The following ZCCHC17 variants were observed in gnomAD, a reference collection of about 807,000 sequenced individuals.
ZCCHC17 encodes zinc finger CCHC domain-containing protein 17.
A neutral mutation model predicts 30.6 loss-of-function variants in ZCCHC17; 18 were observed. That is an observed-to-expected ratio of 0.59 (90% CI 0.41 to 0.87). The LOEUF (loss-of-function observed/expected upper bound fraction) is 0.87. Ranked by LOEUF, ZCCHC17 falls within the 40% of genes least tolerant of loss-of-function variation. ZCCHC17 has a pLI of 0.00. For missense variants in ZCCHC17, 263 were observed against 284.2 expected (o/e 0.93, Z 0.54); for synonymous variants, 88 against 92.4 (o/e 0.95, Z 0.27).
At chr1:31,329,126 G>A (rs926009069) in intron 3 of ZCCHC17, among the ~76,000 whole-genome samples, 1 of 152,110 alleles carries the variant, frequency 6.6e-6, no homozygotes, top group African/African-American at 2.4e-5. Flanking sequence ...ATCAAAAGGG[G>A]CTTACTATGA....
chr1:31,317,585 A>G (rs1248447606), intron 2 of ZCCHC17, among the ~76,000 whole-genome samples: 2 of 152,146 alleles, frequency 1.3e-5, no homozygotes, highest in African/African-American at 2.4e-5. Flanking sequence ...TAGAAGCCAC[A>G]TCTTTCACTC....
At chr1:31,350,151 G>T (rs1639422427) in intron 7 of ZCCHC17, among the ~76,000 whole-genome samples, 1 of 152,180 alleles carries the variant, frequency 6.6e-6, no homozygotes, top group Non-Finnish European at 1.5e-5. Flanking sequence ...TATTCTGTAG[G>T]TTGATCAGGA....
chr1:31,351,456 T>TA (rs1454212119), intron 7 of ZCCHC17, among the ~76,000 whole-genome samples: 3 of 151,828 alleles, frequency 2.0e-5, no homozygotes, highest in Non-Finnish European at 2.9e-5. Context: ...TTTTTTTTTT[T>TA]AAAGCACCTT....
chr1:31,346,679 T>C lies in ZCCHC17; in HGVS notation c.357T>C (p.Thr119=), dbSNP rs745761292. 6.2e-7 allele frequency: 1 copy of C among 1,613,958 alleles called. No individual in the cohort carries two copies. Among genetic ancestry groups the C allele is most frequent in the Admixed American group, 1.7e-5 (1 of 60,000 alleles). Residue 119 remains threonine (T), a synonymous_variant, in exon 6 of 8, where the codon ACT becomes ACC. Transcript: ENST00000344147. ...ERRRRSFQDY[T]GQKITLEAVL... Reference sequence around the variant, plus strand: ...GGAGGCGATCCTTCCAGGATTACACTGGGCAGAAGATCACCCTTGAGGCTG... The same window carrying C: ...GGAGGCGATCCTTCCAGGATTACACCGGGCAGAAGATCACCCTTGAGGCTG...
At chr1:31,350,704 A>G (rs1291605074) in intron 7 of ZCCHC17, among the ~76,000 whole-genome samples, 2 of 152,054 alleles carry the variant, frequency 1.3e-5, no homozygotes, top group Non-Finnish European at 2.9e-5. Context: ...GGTTCCAGCA[A>G]TTCTCCTGCC....
At chr1:31,315,300 T>G (rs1439147345) in intron 2 of ZCCHC17, among the ~76,000 whole-genome samples, 3 of 152,222 alleles carry the variant, frequency 2.0e-5, no homozygotes, top group Admixed American at 6.5e-5. Context: ...CAGGACTAGT[T>G]GTCCTTGAAG....
At chr1:31,326,884 T>C (rs999840891) in intron 3 of ZCCHC17, among the ~76,000 whole-genome samples, 1 of 152,184 alleles carries the variant, frequency 6.6e-6, no homozygotes, top group African/African-American at 2.4e-5. Context: ...AGAGGGAAGA[T>C]TATTAAGTCT....
intron 1 of ZCCHC17, among the ~76,000 whole-genome samples, chr1:31,300,275 G>A (rs1646278371): frequency 6.6e-6 from 1 of 152,090 alleles, no homozygotes; most frequent in Admixed American, 6.5e-5. Context: ...GTCCAGGCTG[G>A]TCTCAAACTC....
chr1:31,302,112 C>T (rs1054358081), intron 1 of ZCCHC17, among the ~76,000 whole-genome samples: 1 of 152,168 alleles, frequency 6.6e-6, no homozygotes, highest in Non-Finnish European at 1.5e-5. Flanking sequence ...CCTGTAGTCC[C>T]AGCTACTTGG....
At chr1:31,335,554 T>C (rs1014047347) in intron 3 of ZCCHC17, among the ~76,000 whole-genome samples, 1 of 152,056 alleles carries the variant, frequency 6.6e-6, no homozygotes, top group African/African-American at 2.4e-5. Flanking sequence ...TTTTCTGTAA[T>C]TTTTCTAGAG....
In ZCCHC17 at chr1:31,302,107, A is replaced by G. The variant is rs547728253; in HGVS notation, c.-56+5032A>G. Among the ~76,000 whole-genome samples the G allele has an allele frequency of 8.5e-5, 13 of 152,294 alleles. 1 individual carries two copies. In the South Asian group the frequency reaches 2.7e-3, roughly 32 times the overall value. On this transcript the variant is annotated intron_variant, in intron 1 of 7. Transcript: ENST00000344147. The stretch of plus-strand genomic sequence containing the variant: ...GCTGGGCATGGTGTTGCATGCCTGT[A>G]GTCCCAGCTACTTGGGAGGCAGAGG...
chr1:31,333,795 C>G (rs2148447763), intron 3 of ZCCHC17, among the ~76,000 whole-genome samples: 1 of 152,238 alleles, frequency 6.6e-6, no homozygotes, highest in East Asian at 1.9e-4. Context: ...GCCATTATTT[C>G]TATGTGGTAC....
At chr1:31,312,804 G>A (rs546412791) in intron 2 of ZCCHC17, among the ~76,000 whole-genome samples, 2 of 152,134 alleles carry the variant, frequency 1.3e-5, no homozygotes, top group African/African-American at 4.8e-5. Context: ...TTGTTGCCCA[G>A]GTTGGAGTGC....
chr1:31,308,061 G>A (rs1301402854), intron 1 of ZCCHC17, among the ~76,000 whole-genome samples: 2 of 152,166 alleles, frequency 1.3e-5, no homozygotes, highest in African/African-American at 4.8e-5. Flanking sequence ...TGTGAGGTGA[G>A]GGATACTGGA....
intron 2 of ZCCHC17, among the ~76,000 whole-genome samples, chr1:31,314,098 C>G (rs539230282): frequency 6.6e-6 from 1 of 152,288 alleles, no homozygotes; most frequent in South Asian, 2.1e-4. Flanking sequence ...CTCCTGACCT[C>G]AGGTGATCCA....
intron 7 of ZCCHC17, among the ~76,000 whole-genome samples, chr1:31,357,211 C>G (rs978821285): frequency 7.2e-5 from 11 of 152,138 alleles, no homozygotes; most frequent in Non-Finnish European, 1.6e-4. Context: ...TTGGCTCTGT[C>G]CTGCTGTCCA....
In ZCCHC17 at chr1:31,319,128, A is replaced by C. The variant is rs771090105; in HGVS notation, c.86A>C (p.Tyr29Ser). ...FQGEVAMVTD[Y>S]GAFIKIPGCR... ...TTATAGGTTGCTATGGTGACAGACT[A>C]TGGGGCCTTTATCAAAATCCCAGGC... Residue 29 changes from tyrosine to serine, a missense_variant, in exon 3 of 8, where the codon TAT (tyrosine) becomes TCT (serine). By Grantham distance (144) the Tyr-to-Ser change is moderately radical. Coordinates refer to ENST00000344147, the MANE Select transcript of ZCCHC17 (RefSeq NM_016505.4). The C allele has an allele frequency of 6.2e-7, 1 of 1,611,212 alleles. No individual in the cohort carries two copies. Among genetic ancestry groups the C allele is most frequent in the Non-Finnish European group, 8.5e-7 (1 of 1,177,998 alleles).
intron 7 of ZCCHC17, among the ~76,000 whole-genome samples, chr1:31,355,463 G>A (rs1569925693): frequency 6.6e-6 from 1 of 152,044 alleles, no homozygotes; most frequent in Non-Finnish European, 1.5e-5. Flanking sequence ...GCCAGAACAG[G>A]AATTATTATC....
At chr1:31,332,568 A>G (rs752344496) in intron 3 of ZCCHC17, among the ~76,000 whole-genome samples, 1 of 152,132 alleles carries the variant, frequency 6.6e-6, no homozygotes, top group African/African-American at 2.4e-5. Flanking sequence ...ATAGAAAAAT[A>G]GAGGGAAAAA....
Sources: gnomAD v4.1 joint callset for allele counts (sites outside exome capture counted in the v4.1 genomes callset) on GRCh38, gnomAD v4.1.1 for gene constraint, MANE v1.5 for transcripts, NCBI Gene and HGNC (gene_info 2026-07-23, HGNC 2026-07-21) for gene names.